The following GARRE1 variants were observed in gnomAD, a reference collection of about 807,000 sequenced individuals.
GARRE1 encodes granule associated Rac and RHOG effector protein 1.
Under a neutral mutation model 103.2 loss-of-function variants are expected in GARRE1, and 49 were observed. That is an observed-to-expected ratio of 0.47 (90% CI 0.38 to 0.60). The LOEUF is 0.60. Ranked by LOEUF, GARRE1 falls within the 20% of genes least tolerant of loss-of-function variation. The pLI, the probability that GARRE1 is intolerant of heterozygous loss-of-function variation, is 0.00. For missense variants in GARRE1, 1,199 were observed against 1,370.5 expected (o/e 0.87, Z 1.98); for synonymous variants, 505 against 532.8 (o/e 0.95, Z 0.72).
chr19:34,296,504 C>T, intron 1 of GARRE1: 4 of 1,594,970 alleles, frequency 2.5e-6, no homozygotes, highest in Non-Finnish European at 2.5e-6. Context: ...TGGGCTTAAC[C>T]TCCTTGGGCT....
intron 6 of GARRE1, 113 bp from the exon 7 acceptor site, chr19:34,330,076 C>A: frequency 1.0e-6 from 1 of 969,942 alleles, no homozygotes; most frequent in Non-Finnish European, 1.5e-6. Flanking sequence ...TAGAAAAATA[C>A]ATAAATAAAA....
At position 34,302,292 on chromosome 19, in the gene GARRE1, G is replaced by GTTTT. The variant is rs397786603; in HGVS notation, c.495+1341_495+1344dup. 9.2e-4 allele frequency among the ~76,000 whole-genome samples: 85 copies of GTTTT among 92,034 alleles called. 3 individuals are homozygous for GTTTT. Among genetic ancestry groups the GTTTT allele is most frequent in the African/African-American group, 1.8e-3 (41 of 22,304 alleles). The allele number at this position is 92,034 out of a possible 152,430, so 60.4% of individuals were successfully genotyped here. A position where few individuals can be genotyped will look rare whatever the true frequency, so the allele number is the denominator to read the frequency against. ...CAGGCAGGAGCCACCGCGCCCAGCC[G>GTTTT]TTTTTTTTTTTTTTTTTTTTGAGAC... On this transcript the variant is annotated intron_variant, in intron 2 of 13. Transcript: ENST00000299505.
chr19:34,263,935 C>T (rs978298733), intron 1 of GARRE1, among the ~76,000 whole-genome samples: 4 of 152,142 alleles, frequency 2.6e-5, no homozygotes, highest in Non-Finnish European at 5.9e-5. Context: ...CCTCAGTTTA[C>T]CTCCTCTGAA....
At chr19:34,335,373 C>T (rs777696372) in intron 8 of GARRE1, among the ~76,000 whole-genome samples, 2 of 152,122 alleles carry the variant, frequency 1.3e-5, no homozygotes, top group African/African-American at 2.4e-5. Context: ...AAGGTATTTG[C>T]TATTAAAATG....
chr19:34,352,848 A>AGCCC lies in GARRE1; in HGVS notation c.3106_3107insGCCC (p.Thr1036SerfsTer27). On this transcript the variant is annotated frameshift_variant, in exon 14 of 14. Coordinates refer to ENST00000299505, the MANE Select transcript of GARRE1 (RefSeq NM_014686.5). LOFTEE classifies it high-confidence loss of function. ...TGCCGCTGCCTTCTCCTATGTGCAG[A>AGCCC]CCCCACCCCAGCCCCCACCCCCACC... 44 of 1,591,434 alleles carry AGCCC rather than the reference A, an allele frequency of 2.8e-5. No individual in the cohort carries two copies. Among genetic ancestry groups the AGCCC allele is most frequent in the Non-Finnish European group, 3.7e-5 (43 of 1,166,450 alleles).
At position 34,348,059 on chromosome 19, in the gene GARRE1, T is replaced by A; in HGVS notation, c.2687+17T>A. On this transcript the variant is annotated intron_variant, in intron 11 of 13. Transcript: ENST00000299505. ...CACAGAAGGGTGAGTGCTGGGTACTTCAGGGAATCTGAGCTTGAGACCCAG... is the reference window on the plus strand; with the variant it reads ...CACAGAAGGGTGAGTGCTGGGTACTACAGGGAATCTGAGCTTGAGACCCAG... 7.1e-7 allele frequency: 1 copy of A among 1,402,658 alleles called. No homozygotes were observed. Among genetic ancestry groups the A allele is most frequent in the Non-Finnish European group, 9.4e-7 (1 of 1,067,258 alleles). The allele number at this position is 1,402,658 out of a possible 1,614,324, so 86.9% of individuals were successfully genotyped here.
intron 2 of GARRE1, among the ~76,000 whole-genome samples, chr19:34,311,625 TC>T: frequency 6.6e-6 from 1 of 152,248 alleles, no homozygotes; most frequent in East Asian, 1.9e-4. Context: ...TTTTCCCCCC[TC>T]TGAGATGTAG....
At chr19:34,311,972 T>C (rs1252697106) in intron 2 of GARRE1, among the ~76,000 whole-genome samples, 2 of 151,820 alleles carry the variant, frequency 1.3e-5, no homozygotes, top group Non-Finnish European at 2.9e-5. Context: ...AATTAAAAAT[T>C]ATTATTATTA....
rs1418355463 is a variant in GARRE1, at chr19:34,333,794, T to A, written c.1354T>A (p.Ser452Thr). Residue 452 changes from serine to threonine, a missense_variant, in exon 8 of 14, where the codon TCC becomes ACC. Transcript: ENST00000299505. ...EGSRIVVQVP[S>T]TWCLKEDPAT... ...CTCTAGAATCGTGGTTCAAGTCCCA[T>A]CCACATGGTAACGTGCCTCTTACTT... The A allele has an allele frequency of 1.3e-6, 2 of 1,579,748 alleles. No homozygotes were observed. The highest frequency in any genetic ancestry group is 3.4e-5 in the Admixed American group (2 of 59,198).
intron 1 of GARRE1, among the ~76,000 whole-genome samples, chr19:34,267,761 A>G (rs978852712): frequency 6.7e-6 from 1 of 149,460 alleles, no homozygotes; most frequent in Non-Finnish European, 1.5e-5. Context: ...AAATTATATA[A>G]TTGCTTTGTG....
intron 2 of GARRE1, among the ~76,000 whole-genome samples, chr19:34,302,736 G>GTTT (rs35460135): frequency 7.7e-6 from 1 of 129,044 alleles, no homozygotes; most frequent in Non-Finnish European, 1.6e-5. Flanking sequence ...GTCTTTGATA[G>GTTT]TTTTTTTTTT....
intron 3 of GARRE1, among the ~76,000 whole-genome samples, chr19:34,322,325 C>T (rs752220085): frequency 1.1e-4 from 16 of 151,936 alleles, no homozygotes; most frequent in East Asian, 3.9e-4. Flanking sequence ...GCGCGCACCA[C>T]GACGCCTGGC....
At chr19:34,351,216 AAAT>A (rs926606505) in intron 12 of GARRE1, among the ~76,000 whole-genome samples, 42 of 149,294 alleles carry the variant, frequency 2.8e-4, no homozygotes, top group Non-Finnish European at 4.5e-4. Context: ...AAAAAAAATA[AAAT>A]AATAATAATA....
At chr19:34,324,166 A>G (rs2074101650) in intron 3 of GARRE1, among the ~76,000 whole-genome samples, 1 of 152,134 alleles carries the variant, frequency 6.6e-6, no homozygotes, top group Non-Finnish European at 1.5e-5. Context: ...TGTTCCCACC[A>G]GTACACAAAG....
At chr19:34,336,180 G>A (rs1422332513) in intron 8 of GARRE1, among the ~76,000 whole-genome samples, 1 of 151,534 alleles carries the variant, frequency 6.6e-6, no homozygotes, top group Non-Finnish European at 1.5e-5. Context: ...TTGTAGAGAT[G>A]GAGTCTCACT....
intron 1 of GARRE1, among the ~76,000 whole-genome samples, chr19:34,283,270 T>C (rs1352995421): frequency 1.3e-5 from 2 of 152,216 alleles, no homozygotes; most frequent in East Asian, 3.8e-4. Context: ...TTTCTCTTTA[T>C]AGCTGCATAG....
chr19:34,345,448 G>A (rs574232254), intron 10 of GARRE1, among the ~76,000 whole-genome samples: 24 of 152,328 alleles, frequency 1.6e-4, no homozygotes, highest in African/African-American at 5.3e-4. Context: ...CGTTTTCTCA[G>A]TTGATCATAG....
intron 1 of GARRE1, among the ~76,000 whole-genome samples, chr19:34,295,299 C>G (rs575283949): frequency 6.6e-6 from 1 of 152,232 alleles, no homozygotes; most frequent in African/African-American, 2.4e-5. Flanking sequence ...CTGTTCTTAC[C>G]AGGATTCAGC....
intron 10 of GARRE1, among the ~76,000 whole-genome samples, chr19:34,343,228 A>T (rs1222023435): frequency 6.6e-6 from 1 of 152,104 alleles, no homozygotes; most frequent in African/African-American, 2.4e-5. Context: ...CTAAGGCTGG[A>T]GGATCACTTG....
Sources: allele counts gnomAD v4.1 joint callset (sites outside exome capture counted in the v4.1 genomes callset), GRCh38; gene constraint gnomAD v4.1.1; transcripts MANE v1.5; gene names NCBI Gene and HGNC (gene_info 2026-07-23, HGNC 2026-07-21).